NRG3: variants seen among roughly 807,000 people sequenced by gnomAD.
The protein encoded by NRG3 is neuregulin 3.
NRG3 carries 31 observed loss-of-function variants against 66.9 expected under a neutral mutation model. The ratio of observed to expected loss-of-function variants is 0.46; its 90% confidence interval spans 0.35 to 0.63. The LOEUF (loss-of-function observed/expected upper bound fraction) is 0.63, where lower values mean the gene tolerates loss of function less well. NRG3 is among the 20% of genes least tolerant of loss of function. The pLI is 0.00. For missense variants in NRG3, 910 were observed against 878.9 expected, an observed-to-expected ratio of 1.04 and a Z score of -0.45; for synonymous variants, 393 against 359.4, an observed-to-expected ratio of 1.09 and a Z score of -1.06.
Position 82,752,736 on chromosome 10 carries a change from G to A in NRG3, c.1027+14086G>A, listed in dbSNP as rs2058922307. Among the ~76,000 whole-genome samples, 3 of 152,168 alleles carry A rather than the reference G, an allele frequency of 2.0e-5. No individual in the cohort carries two copies. In the South Asian group the frequency reaches 6.2e-4, roughly 32 times the overall value. The stretch of plus-strand genomic sequence containing the variant: ...CATGAATGGGATTAATGACCTTAAA[G>A]AGGCTCAAGAGCTGCCTTGCTTCTT... On this transcript the variant is annotated intron_variant, in intron 3 of 8. Coordinates refer to ENST00000372141, the MANE Select transcript of NRG3 (RefSeq NM_001010848.4).
intron 3 of NRG3, among the ~76,000 whole-genome samples, chr10:82,766,895 C>T (rs567318): frequency 0.8 from 121,261 of 150,938 alleles, 48,806 homozygotes; most frequent in Admixed American, 0.85. Context: ...TTAAATATAG[C>T]GTCACCATAA....
intron 1 of NRG3, among the ~76,000 whole-genome samples, chr10:81,957,550 C>T (rs989985562): frequency 1.3e-5 from 2 of 152,230 alleles, no homozygotes; most frequent in Non-Finnish European, 2.9e-5. Flanking sequence ...ATTTTACTTC[C>T]GTTTCTAGTA....
At chr10:82,848,108 T>C (rs2063391695) in intron 3 of NRG3, among the ~76,000 whole-genome samples, 1 of 152,218 alleles carries the variant, frequency 6.6e-6, no homozygotes, top group African/African-American at 2.4e-5. Flanking sequence ...TTCAATATGA[T>C]GAATTTCATT....
intron 4 of NRG3, among the ~76,000 whole-genome samples, chr10:82,871,824 T>C (rs1841370409): frequency 6.6e-6 from 1 of 152,064 alleles, no homozygotes; most frequent in Admixed American, 6.6e-5. Flanking sequence ...TAATTTTTAA[T>C]TTTTGTTAAC....
chr10:82,832,442 G>A (rs1007372704), intron 3 of NRG3, among the ~76,000 whole-genome samples: 4 of 152,068 alleles, frequency 2.6e-5, no homozygotes, highest in African/African-American at 9.7e-5. Flanking sequence ...TTCTGTAGTG[G>A]TGGGAGTACA....
intron 5 of NRG3, among the ~76,000 whole-genome samples, chr10:82,955,510 TA>T (rs1592082462): frequency 6.6e-6 from 1 of 152,032 alleles, no homozygotes; most frequent in East Asian, 1.9e-4. Context: ...TTAGAGTTCT[TA>T]GCAGAGCTTG....
At chr10:82,623,334 G>A (rs1355233856) in intron 2 of NRG3, among the ~76,000 whole-genome samples, 6 of 152,136 alleles carry the variant, frequency 3.9e-5, no homozygotes, top group East Asian at 3.9e-4. Flanking sequence ...AAAAGTGTGC[G>A]TTCTGTGTAC....
At chr10:82,768,881 C>A (rs1479147612) in intron 3 of NRG3, among the ~76,000 whole-genome samples, 3 of 151,842 alleles carry the variant, frequency 2.0e-5, no homozygotes, top group Non-Finnish European at 4.4e-5. Flanking sequence ...AAGTTTGTTC[C>A]CAAATTTAAA....
At chr10:82,813,522 T>C (rs1367332346) in intron 3 of NRG3, among the ~76,000 whole-genome samples, 1 of 152,118 alleles carries the variant, frequency 6.6e-6, no homozygotes. Flanking sequence ...CCTGTACCTT[T>C]TTAAATAAGT....
intron 2 of NRG3, among the ~76,000 whole-genome samples, chr10:82,408,552 A>G (rs2087798636): frequency 6.6e-6 from 1 of 151,360 alleles, no homozygotes; most frequent in African/African-American, 2.4e-5. Context: ...ACAAATCTAT[A>G]CTCCAATTCT....
intron 1 of NRG3, among the ~76,000 whole-genome samples, chr10:82,327,108 T>C (rs1179136704): frequency 6.6e-6 from 1 of 152,190 alleles, no homozygotes; most frequent in African/African-American, 2.4e-5. Context: ...ATAGGCCATG[T>C]AGTATGAGAA....
At chr10:82,571,407 T>C (rs1306507883) in intron 2 of NRG3, among the ~76,000 whole-genome samples, 2 of 151,700 alleles carry the variant, frequency 1.3e-5, no homozygotes, top group Non-Finnish European at 3.0e-5. Context: ...ATGTTTCATC[T>C]AGGTTATGGA....
At chr10:81,925,703 T>C (rs1207900472) in intron 1 of NRG3, among the ~76,000 whole-genome samples, 1 of 151,912 alleles carries the variant, frequency 6.6e-6, no homozygotes, top group African/African-American at 2.4e-5. Flanking sequence ...TAATGGCTAT[T>C]AATTAGTGTG....
intron 1 of NRG3, among the ~76,000 whole-genome samples, chr10:81,990,567 G>A (rs1250081386): frequency 1.3e-5 from 2 of 152,104 alleles, no homozygotes; most frequent in African/African-American, 4.8e-5. Context: ...GGTGCAGTAA[G>A]GATAATTAAG....
intron 3 of NRG3, among the ~76,000 whole-genome samples, chr10:82,857,428 C>A (rs759984308): frequency 9.9e-5 from 15 of 152,122 alleles, no homozygotes; most frequent in Admixed American, 5.9e-4. Context: ...GACTGATGGC[C>A]TGTCTGGTGT....
chr10:82,130,869 C>T (rs1254140119), intron 1 of NRG3, among the ~76,000 whole-genome samples: 2 of 151,922 alleles, frequency 1.3e-5, no homozygotes, highest in African/African-American at 4.8e-5. Flanking sequence ...AGATTTTTTG[C>T]CCATTTTAAA....
intron 2 of NRG3, among the ~76,000 whole-genome samples, chr10:82,669,598 G>A (rs181146595): frequency 8.1e-4 from 123 of 152,220 alleles, no homozygotes; most frequent in Admixed American, 1.8e-3. Flanking sequence ...TGGCCTTTCT[G>A]GGACACATTC....
At chr10:82,150,526 C>CAAAAAAAAAAAAAAAAAAA (rs2070637635) in intron 1 of NRG3, among the ~76,000 whole-genome samples, 1 of 17,152 alleles carries the variant, frequency 5.8e-5, no homozygotes, top group African/African-American at 1.5e-4. Flanking sequence ...AAAAAGAGCA[C>CAAAAAAAAAAAAAAAAAAA]ACACAAAAAA....
intron 2 of NRG3, among the ~76,000 whole-genome samples, chr10:82,699,211 G>C (rs1361105015): frequency 1.3e-5 from 2 of 148,936 alleles, no homozygotes; most frequent in African/African-American, 4.9e-5. Flanking sequence ...CTCACTTAAT[G>C]ATTGTGGAAG....
Sources: gnomAD v4.1 joint callset for allele counts (sites outside exome capture counted in the v4.1 genomes callset) on GRCh38, gnomAD v4.1.1 for gene constraint, MANE v1.5 for transcripts, NCBI Gene and HGNC (gene_info 2026-07-23, HGNC 2026-07-21) for gene names.